EPS15L1: variants seen among roughly 807,000 people sequenced by gnomAD.
The protein encoded by EPS15L1 is epidermal growth factor receptor substrate 15-like 1.
Under a neutral mutation model 117.1 loss-of-function variants are expected in EPS15L1, and 43 were observed. The observed-to-expected ratio is 0.37, with a 90% CI of 0.29 to 0.47. EPS15L1 has a LOEUF of 0.47. Among genes scored for constraint, EPS15L1 ranks in the 20% least tolerant of loss-of-function variants. EPS15L1 has a pLI of 0.99. For missense variants in EPS15L1, 981 were observed against 1,164.0 expected (o/e 0.84, Z 2.29); for synonymous variants, 459 against 470.5 (o/e 0.98, Z 0.32).
Position 16,404,656 on chromosome 19 carries a change from G to A in EPS15L1, c.1360C>T (p.Gln454Ter). 1.2e-6 allele frequency: 2 copies of A among 1,614,174 alleles called. No homozygotes were observed. Among genetic ancestry groups the A allele is most frequent in the Non-Finnish European group, 1.7e-6 (2 of 1,180,034 alleles). Residue 454 changes from glutamine (Q) to a stop codon, truncating the protein, a stop_gained, in exon 14 of 24, where the codon CAG (glutamine) becomes TAG (stop). Transcript: ENST00000455140. LOFTEE classifies it high-confidence loss of function. The surrounding 1 kb of genome is among the most constrained non-coding windows in gnomAD (Gnocchi z 4.2). The stretch of plus-strand genomic sequence containing the variant: ...ATGTCTCGGAGCTTGGCCTTCTGCT[G>A]GTCCATCTCGTCCAGGCGGTCTTGA... ...DAQDRLDEMD[Q>*]QKAKLRDMLS...
intron 6 of EPS15L1, chr19:16,434,769 A>T (rs1030283002): frequency 6.3e-6 from 2 of 315,626 alleles, no homozygotes; most frequent in Admixed American, 4.7e-5. Flanking sequence ...CTGCTGCCTG[A>T]GTGTGGCAGG....
chr19:16,404,775 G>T lies in EPS15L1; in HGVS notation c.1267-26C>A. On this transcript the variant is annotated intron_variant, in intron 13 of 23. Transcript: ENST00000455140. The surrounding 1 kb of genome is among the most constrained non-coding windows in gnomAD (Gnocchi z 4.2). ...CTAGGGAGGAGTTGCAGGGGTTTAC[G>T]TGAGGATGGGAAAAATGAAGCATGT... 1.2e-6 allele frequency: 2 copies of T among 1,611,402 alleles called. No individual in the cohort carries two copies. The highest frequency in any genetic ancestry group is 1.7e-6 in the Non-Finnish European group (2 of 1,177,798).
At chr19:16,382,711 ATC>A (rs2092376580) in intron 21 of EPS15L1, among the ~76,000 whole-genome samples, 1 of 151,790 alleles carries the variant, frequency 6.6e-6, no homozygotes, top group Non-Finnish European at 1.5e-5. Flanking sequence ...ACTTTGGGGA[ATC>A]TGTTTTTAAA....
chr19:16,456,176 G>A (rs1291219966), intron 1 of EPS15L1, among the ~76,000 whole-genome samples: 1 of 152,110 alleles, frequency 6.6e-6, no homozygotes, highest in African/African-American at 2.4e-5. Flanking sequence ...CTCCAGCCTG[G>A]GCAACAAGAG....
rs957346254 is a variant in EPS15L1 at position 16,365,053 on chromosome 19, C to T, written c.2381-3069G>A. 6.6e-6 allele frequency among the ~76,000 whole-genome samples: 1 copy of T among 152,240 alleles called. No individual in the cohort carries two copies. The highest frequency in any genetic ancestry group is 1.9e-4 in the East Asian group (1 of 5,182). On this transcript the variant is annotated intron_variant, in intron 22 of 23. Coordinates refer to ENST00000455140, the MANE Select transcript of EPS15L1 (RefSeq NM_001258374.3). This position sits in a 1 kb window ranked among gnomAD's most constrained non-coding sequence, Gnocchi z 4.9. The stretch of plus-strand genomic sequence containing the variant: ...GGCTTCTTTCCTGGCTATGCCTTGT[C>T]CCTCTGCCTGGAAGGCACTCCCAAC...
At chr19:16,413,871 A>G (rs2092731509) in intron 12 of EPS15L1, 26 bp from the exon 13 acceptor site, 1 of 1,574,768 alleles carries the variant, frequency 6.4e-7, no homozygotes, top group Admixed American at 1.7e-5. Context: ...TATTTCATGA[A>G]AACAAGAGTG....
At chr19:16,425,380 G>C (rs1449926630) in intron 8 of EPS15L1, 64 bp from the exon 9 acceptor site, 2 of 1,152,294 alleles carry the variant, frequency 1.7e-6, no homozygotes, top group Non-Finnish European at 2.6e-6. Flanking sequence ...TCAGGAGAAG[G>C]CAGAGGGCAG....
At chr19:16,419,863 T>G (rs1006448228) in intron 10 of EPS15L1, among the ~76,000 whole-genome samples, 5 of 152,152 alleles carry the variant, frequency 3.3e-5, no homozygotes, top group African/African-American at 1.2e-4. Flanking sequence ...GCCTCTCCAC[T>G]CCCGCCCCTT....
chr19:16,436,089 C>T (rs1381527828), intron 6 of EPS15L1, among the ~76,000 whole-genome samples: 1 of 152,222 alleles, frequency 6.6e-6, no homozygotes, highest in African/African-American at 2.4e-5. Context: ...CATGACTCCT[C>T]AGTCACATGA....
intron 19 of EPS15L1, among the ~76,000 whole-genome samples, chr19:16,387,164 A>T (rs1477338901): frequency 6.6e-6 from 1 of 152,246 alleles, no homozygotes; most frequent in Non-Finnish European, 1.5e-5. Flanking sequence ...AATAGAAAAT[A>T]TACGAAAGAA....
At position 16,413,797 on chromosome 19, in the gene EPS15L1, G is replaced by C. The variant is rs1478292483; in HGVS notation, c.1242C>G (p.Ile414Met). Residue 414 changes from isoleucine (I) to methionine (M), a missense_variant, in exon 13 of 24, where the codon ATC (isoleucine) becomes ATG (methionine). Coordinates refer to ENST00000455140, the MANE Select transcript of EPS15L1 (RefSeq NM_001258374.3). ...EQDIREKEEA[I>M]RQKTSEVQEL... Reference sequence around the variant, plus strand: ...CCTGCACCTCGCTGGTTTTCTGTCTGATTGCCTCTTCCTTTTCTCGAATGT... The same window carrying C: ...CCTGCACCTCGCTGGTTTTCTGTCTCATTGCCTCTTCCTTTTCTCGAATGT... 1 of 1,613,882 alleles carries C rather than the reference G, an allele frequency of 6.2e-7. No homozygotes were observed. Among genetic ancestry groups the C allele is most frequent in the Admixed American group, 1.7e-5 (1 of 60,022 alleles).
chr19:16,394,266 G>A (rs2092515838), intron 17 of EPS15L1, among the ~76,000 whole-genome samples: 1 of 152,206 alleles, frequency 6.6e-6, no homozygotes, highest in African/African-American at 2.4e-5. Flanking sequence ...ACAGACTGGA[G>A]TTGGGGAAGA....
intron 11 of EPS15L1, 131 bp from the exon 12 acceptor site, chr19:16,417,768 G>A: frequency 2.6e-6 from 3 of 1,151,468 alleles, no homozygotes; most frequent in African/African-American, 1.5e-5. Flanking sequence ...AAAAGTGTCA[G>A]CCCCCTGCCT....
At chr19:16,468,848 CA>C (rs924096559) in intron 1 of EPS15L1, among the ~76,000 whole-genome samples, 6 of 149,726 alleles carry the variant, frequency 4.0e-5, no homozygotes, top group African/African-American at 1.2e-4. Context: ...TTCATCTCTT[CA>C]AAAAAAAAAT....
chr19:16,376,217 G>A (rs1390084128), intron 22 of EPS15L1, among the ~76,000 whole-genome samples: 1 of 152,220 alleles, frequency 6.6e-6, no homozygotes, highest in Non-Finnish European at 1.5e-5. Flanking sequence ...GGAACAGTCT[G>A]CCTGGAGGTT....
chr19:16,427,834 CA>C (rs2092887150), intron 8 of EPS15L1, among the ~76,000 whole-genome samples: 1 of 152,018 alleles, frequency 6.6e-6, no homozygotes. Context: ...GTGGAGGCTG[CA>C]GTGAACCAAG....
At chr19:16,416,788 A>G (rs921926034) in intron 12 of EPS15L1, among the ~76,000 whole-genome samples, 3 of 152,182 alleles carry the variant, frequency 2.0e-5, no homozygotes, top group African/African-American at 7.2e-5. Context: ...TGACAGAGCG[A>G]GACCCTGTCT....
chr19:16,355,868 G>T lies in EPS15L1; in HGVS notation c.2587-17C>A, dbSNP rs2091973057. On this transcript the variant is annotated splice_polypyrimidine_tract_variant and intron_variant, in intron 23 of 23. Coordinates refer to ENST00000455140, the MANE Select transcript of EPS15L1 (RefSeq NM_001258374.3). ...ATTGCCAAACTGCAAAGGAAAAACG[G>T]AGAGTGGGTGATGTGGCCCTGGGGC... 6.5e-7 allele frequency: 1 copy of T among 1,534,434 alleles called. No homozygotes were observed. Among genetic ancestry groups the T allele is most frequent in the Admixed American group, 2.0e-5 (1 of 50,952 alleles).
At chr19:16,453,020 T>C (rs796595253) in intron 1 of EPS15L1, among the ~76,000 whole-genome samples, 19 of 152,166 alleles carry the variant, frequency 1.2e-4, no homozygotes, top group African/African-American at 4.6e-4. Context: ...CAGGATGGCC[T>C]CGATCTCCTG....
Sources: gnomAD v4.1 joint callset for allele counts (sites outside exome capture counted in the v4.1 genomes callset) on GRCh38, gnomAD v4.1.1 for gene constraint, Gnocchi (gnomAD v3.1) non-coding constraint, MANE v1.5 for transcripts, NCBI Gene and HGNC (gene_info 2026-07-23, HGNC 2026-07-21) for gene names.